Variants in TYRO3 observed in about 807,000 individuals in gnomAD.
TYRO3 encodes the protein TYRO3 protein tyrosine kinase, also known as tyrosine-protein kinase receptor TYRO3.
TYRO3 carries 38 observed loss-of-function variants against 95.2 expected under a neutral mutation model. That is an observed-to-expected ratio of 0.40 (90% CI 0.31 to 0.52). The LOEUF (loss-of-function observed/expected upper bound fraction) is 0.52. Among genes scored for constraint, TYRO3 ranks in the 20% least tolerant of loss-of-function variants. The pLI is 0.56. For synonymous variants in TYRO3, 367 were observed against 432.9 expected (o/e 0.85, Z 1.89); for missense variants, 812 against 1,116.4 (o/e 0.73, Z 3.89).
At chr15:41,564,512 A>AG (rs2055697600) in intron 5 of TYRO3, among the ~76,000 whole-genome samples, 1 of 152,048 alleles carries the variant, frequency 6.6e-6, no homozygotes, top group Non-Finnish European at 1.5e-5. Context: ...AGTCCTTGGG[A>AG]GGGAGGGAAG....
At chr15:41,564,345 A>G (rs11070339) in intron 5 of TYRO3, 75 bp downstream of exon 5, 859,402 of 1,430,644 alleles carry the variant, frequency 0.6, 263,457 homozygotes, top group East Asian at 0.98. Context: ...AGTTAGAATC[A>G]TTCTGTGTTC....
chr15:41,572,879 T>C, intron 15 of TYRO3, 123 bp from the exon 16 acceptor site: 1 of 826,726 alleles, frequency 1.2e-6, no homozygotes, highest in South Asian at 1.8e-5. Flanking sequence ...AGGCCCTCCA[T>C]CCCCTTCCTT....
chr15:41,570,954 G>A, intron 12 of TYRO3, 84 bp from the exon 13 acceptor site: 1 of 1,447,286 alleles, frequency 6.9e-7, no homozygotes, highest in Non-Finnish European at 9.7e-7. Context: ...TGCTGACTGT[G>A]TTCCCATGGA....
chr15:41,570,481 C>T, intron 11 of TYRO3, 123 bp from the exon 12 acceptor site: 1 of 1,377,566 alleles, frequency 7.3e-7, no homozygotes, highest in Admixed American at 1.8e-5. Context: ...TGGAGTTCAC[C>T]ACCCCAGCCG....
chr15:41,574,846 A>AGTAGCT (rs2055841766), intron 18 of TYRO3: 1 of 424,908 alleles, frequency 2.4e-6, no homozygotes, highest in South Asian at 1.7e-5. Context: ...CAGCCTTCCA[A>AGTAGCT]GTAGCTGGGA....
intron 18 of TYRO3, 55 bp from the exon 19 acceptor site, chr15:41,577,831 C>T (rs1595507188): frequency 6.9e-7 from 1 of 1,453,078 alleles, no homozygotes; most frequent in East Asian, 2.3e-5. Context: ...GATGAAGGGG[C>T]CCCTGCTTTT....
At chr15:41,569,853 C>A (rs188524850) in intron 9 of TYRO3, among the ~76,000 whole-genome samples, 174 bp from the exon 10 acceptor site, 47 of 152,244 alleles carry the variant, frequency 3.1e-4, no homozygotes, top group African/African-American at 1.1e-3. Flanking sequence ...CAGCCAGGGC[C>A]TGTCTCTGAC....
At chr15:41,569,102 T>C in intron 9 of TYRO3, 80 bp downstream of exon 9, 3 of 1,498,988 alleles carry the variant, frequency 2.0e-6, no homozygotes, top group Non-Finnish European at 2.7e-6. Flanking sequence ...GGGAGGAGCC[T>C]AGTAGCATCT....
rs2055924482 is a variant in TYRO3, at chr15:41,581,693, T to C, written c.*3417T>C. On this transcript the variant is annotated 3_prime_UTR_variant, in exon 19 of 19. Transcript: ENST00000263798. Reference sequence around the variant, plus strand: ...AAATACAAAAACTAGCCAGGAGTGGTGGCAGGCACCTGTAATCCCAGCTAC... The same window carrying C: ...AAATACAAAAACTAGCCAGGAGTGGCGGCAGGCACCTGTAATCCCAGCTAC... 1 of 151,890 alleles carries C rather than the reference T, an allele frequency of 6.6e-6. No homozygotes were observed. 9.4% of individuals were successfully genotyped at this position (151,890 alleles called of 1,614,324 possible).
At chr15:41,561,083 A>C in intron 1 of TYRO3, 44 bp from the exon 2 acceptor site, 1 of 1,214,906 alleles carries the variant, frequency 8.2e-7, no homozygotes. Context: ...TTACAGAGAC[A>C]GAGTCCCTCT....
intron 18 of TYRO3, among the ~76,000 whole-genome samples, chr15:41,575,716 T>C (rs2055851475): frequency 6.6e-6 from 1 of 152,146 alleles, no homozygotes; most frequent in Non-Finnish European, 1.5e-5. Flanking sequence ...CGTCTTTCCA[T>C]TAGGTTTTTG....
At chr15:41,568,433 AT>A in intron 8 of TYRO3, 71 bp downstream of exon 8, 1 of 1,477,690 alleles carries the variant, frequency 6.8e-7, no homozygotes. Context: ...GCCTTTAAGA[AT>A]TTCAAAATGA....
chr15:41,573,141 A>G (rs1219848314), intron 16 of TYRO3, 30 bp downstream of exon 16: 41 of 1,115,160 alleles, frequency 3.7e-5, no homozygotes, highest in Non-Finnish European at 4.9e-5. Context: ...CGAGGGTGGG[A>G]GACAGCAGCA....
Position 41,578,284 on chromosome 15 carries a change from G to A in TYRO3, c.*8G>A. 1 of 1,613,128 alleles carries A rather than the reference G, an allele frequency of 6.2e-7. No homozygotes were observed. On this transcript the variant is annotated 3_prime_UTR_variant, in exon 19 of 19. Transcript: ENST00000263798. ...CCACACAGTAGCTGTTAGCCCACAG[G>A]CAGAGGGCATCGGGGCCATTTGGCC...
intron 18 of TYRO3, 88 bp from the exon 19 acceptor site, chr15:41,577,798 T>A: frequency 7.1e-7 from 1 of 1,416,172 alleles, no homozygotes; most frequent in South Asian, 1.4e-5. Flanking sequence ...GGAATAAAAT[T>A]TTTTAAAACC....
At chr15:41,567,803 G>C (rs1430895205) in intron 7 of TYRO3, among the ~76,000 whole-genome samples, 1 of 152,194 alleles carries the variant, frequency 6.6e-6, no homozygotes, top group Non-Finnish European at 1.5e-5. Context: ...GAAGGATAAA[G>C]ATCTGAAGGA....
chr15:41,579,907 G>C lies in TYRO3; in HGVS notation c.*1631G>C, dbSNP rs1425683881. On this transcript the variant is annotated 3_prime_UTR_variant, in exon 19 of 19. Coordinates refer to ENST00000263798, the MANE Select transcript of TYRO3 (RefSeq NM_006293.4). The stretch of plus-strand genomic sequence containing the variant: ...CGAGTAGCTGGGACTACAGGTGCCT[G>C]CCACCACGCCCGGCTAATTTTTTGT... 6.6e-6 allele frequency: 1 copy of C among 151,846 alleles called. No individual in the cohort carries two copies. The highest frequency in any genetic ancestry group is 1.5e-5 in the Non-Finnish European group (1 of 68,006). 9.4% of individuals were successfully genotyped at this position (151,846 alleles called of 1,614,324 possible).
intron 13 of TYRO3, 137 bp downstream of exon 13, chr15:41,571,255 C>A: frequency 1.3e-6 from 1 of 786,900 alleles, no homozygotes. Flanking sequence ...CTCTTTACCA[C>A]ACGAATAATT....
chr15:41,571,144 A>C (rs1001661702), intron 13 of TYRO3, 26 bp downstream of exon 13: 7 of 1,584,194 alleles, frequency 4.4e-6, no homozygotes, highest in Non-Finnish European at 6.1e-6. Context: ...CTGTAGCCTG[A>C]GGGCATCACT....
Sources: gnomAD v4.1 joint callset for allele counts (sites outside exome capture counted in the v4.1 genomes callset) on GRCh38, gnomAD v4.1.1 for gene constraint, MANE v1.5 for transcripts, NCBI Gene and HGNC (gene_info 2026-07-23, HGNC 2026-07-21) for gene names.